Variants in COL6A5 observed in about 807,000 individuals in gnomAD.
COL6A5 encodes the protein collagen alpha-5(VI) chain.
Under a neutral mutation model 65.6 loss-of-function variants are expected in COL6A5, and 48 were observed. The ratio of observed to expected loss-of-function variants is 0.73; its 90% CI spans 0.58 to 0.93. The LOEUF is 0.93. COL6A5 is among the 40% of genes least tolerant of loss of function. COL6A5 has a pLI of 0.00. For synonymous variants in COL6A5, 291 were observed against 322.8 expected (o/e 0.90, Z 1.05); for missense variants, 914 against 928.3 (o/e 0.98, Z 0.20).
chr3:130,440,065 A>G (rs1489117176), intron 2 of COL6A5, 101 bp from the exon 35 acceptor site: 2 of 917,252 alleles, frequency 2.2e-6, no homozygotes, highest in East Asian at 5.3e-5. Flanking sequence ...TGATCAAATT[A>G]TAATTCTTGG....
At chr3:130,414,472 G>T (rs1439319426) in intron 22 of COL6A5, among the ~76,000 whole-genome samples, 1 of 152,062 alleles carries the variant, frequency 6.6e-6, no homozygotes, top group African/African-American at 2.4e-5. Flanking sequence ...GCATACACAG[G>T]CTCCCACAAA....
chr3:130,361,774 A>G (rs1011922524), intron 1 of COL6A5, among the ~76,000 whole-genome samples: 5 of 152,034 alleles, frequency 3.3e-5, no homozygotes, highest in African/African-American at 1.2e-4. Context: ...CACCATACTA[A>G]TGGGTGTGTA....
chr3:130,450,636 A>G (rs571614769), intron 4 of COL6A5, among the ~76,000 whole-genome samples: 8 of 152,284 alleles, frequency 5.3e-5, no homozygotes, highest in African/African-American at 1.9e-4. Context: ...GCATTTTCAA[A>G]AGCTAACATA....
At chr3:130,354,655 G>A (rs74894193) in intron 1 of COL6A5, among the ~76,000 whole-genome samples, 2,653 of 152,254 alleles carry the variant, frequency 0.017, 87 homozygotes, top group African/African-American at 0.06. Flanking sequence ...CTTCCTAGAA[G>A]TACTACTTGA....
chr3:130,420,636 A>G (rs1431262556), intron 25 of COL6A5, among the ~76,000 whole-genome samples: 1 of 152,144 alleles, frequency 6.6e-6, no homozygotes, highest in Non-Finnish European at 1.5e-5. Context: ...AAATTCAAAC[A>G]GTATGTGGAT....
At chr3:130,484,198 T>C in exon 8 of COL6A5, 1 of 704,616 alleles carries the variant, frequency 1.4e-6, no homozygotes, top group Non-Finnish European at 2.2e-6. Flanking sequence ...GCTAAATTTG[T>C]TCTCCATCTC....
intron 17 of COL6A5, among the ~76,000 whole-genome samples, chr3:130,407,082 G>A (rs1010077377): frequency 6.6e-6 from 1 of 152,168 alleles, no homozygotes; most frequent in African/African-American, 2.4e-5. Flanking sequence ...TGGGGGCAGG[G>A]GTTGTCCAGA....
intron 27 of COL6A5, 21 bp from the exon 28 acceptor site, chr3:130,422,699 T>C: frequency 1.3e-6 from 2 of 1,492,512 alleles, no homozygotes; most frequent in Non-Finnish European, 1.8e-6. Context: ...ACATCTTGAC[T>C]TTTTATATCT....
chr3:130,413,266 T>C (rs933413834), intron 20 of COL6A5, among the ~76,000 whole-genome samples: 7 of 151,988 alleles, frequency 4.6e-5, no homozygotes, highest in Non-Finnish European at 7.4e-5. Context: ...TTCAGGATGA[T>C]TTGATTCTCT....
chr3:130,450,023 A>G (rs1318312814), intron 4 of COL6A5, among the ~76,000 whole-genome samples: 1 of 152,140 alleles, frequency 6.6e-6, no homozygotes, highest in Admixed American at 6.5e-5. Context: ...ACAGAGATCA[A>G]CCACCCCGCC....
At chr3:130,377,316 A>T (rs1359033292) in intron 3 of COL6A5, among the ~76,000 whole-genome samples, 1 of 152,106 alleles carries the variant, frequency 6.6e-6, no homozygotes, top group Admixed American at 6.5e-5. Flanking sequence ...CTGGTGTTCT[A>T]TTTCTCAATG....
chr3:130,360,991 C>T (rs983933156), intron 1 of COL6A5, among the ~76,000 whole-genome samples: 7 of 152,048 alleles, frequency 4.6e-5, no homozygotes, highest in Admixed American at 3.9e-4. Context: ...TACAAAGTTC[C>T]TATATGCCCC....
chr3:130,397,821 C>T, exon 9 of COL6A5: 1 of 1,551,664 alleles, frequency 6.4e-7, no homozygotes, highest in Non-Finnish European at 8.7e-7. Context: ...CAGTGTTTGA[C>T]AGCTTGCTGC....
At chr3:130,431,999 T>G (rs769094542) in intron 1 of COL6A5, 50 bp downstream of exon 33, 33 of 1,526,688 alleles carry the variant, frequency 2.2e-5, no homozygotes, top group Non-Finnish European at 2.7e-5. Context: ...GAGGTAGGTA[T>G]TGTGATAGGG....
intron 6 of COL6A5, 137 bp downstream of exon 38, chr3:130,469,618 A>G (rs1709901422): frequency 2.7e-6 from 2 of 747,636 alleles, no homozygotes; most frequent in South Asian, 2.3e-5. Flanking sequence ...GCAGTAAAAA[A>G]TCTCAGAGAA....
chr3:130,447,525 A>G (rs1709336789), intron 4 of COL6A5, among the ~76,000 whole-genome samples: 1 of 152,168 alleles, frequency 6.6e-6, no homozygotes, highest in Admixed American at 6.5e-5. Context: ...AGTCGACTTT[A>G]TGGTTACCGG....
intron 3 of COL6A5, 45 bp from the exon 36 acceptor site, chr3:130,443,431 C>G (rs779806869): frequency 3.0e-6 from 4 of 1,355,436 alleles, no homozygotes; most frequent in Non-Finnish European, 4.2e-6. Flanking sequence ...TAGGAAACAT[C>G]ATTTCCAGTT....
intron 3 of COL6A5, among the ~76,000 whole-genome samples, 184 bp downstream of exon 3, chr3:130,377,020 T>A (rs1935810279): frequency 6.6e-6 from 1 of 152,154 alleles, no homozygotes; most frequent in South Asian, 2.1e-4. Flanking sequence ...AAGAGCTCTA[T>A]CTTATTGCAC....
intron 2 of COL6A5, among the ~76,000 whole-genome samples, chr3:130,375,478 C>T (rs9858493): frequency 0.025 from 3,789 of 152,112 alleles, 121 homozygotes; most frequent in African/African-American, 0.078. Flanking sequence ...TCTTACATTG[C>T]GCGCCCTCAA....
Sources: allele counts gnomAD v4.1 joint callset (sites outside exome capture counted in the v4.1 genomes callset), GRCh38; gene constraint gnomAD v4.1.1; transcripts MANE v1.5; gene names NCBI Gene and HGNC (gene_info 2026-07-23, HGNC 2026-07-21).